The following ASCC3 variants were observed in gnomAD, a reference collection of about 807,000 sequenced individuals.
ASCC3 encodes activating signal cointegrator 1 complex subunit 3.
A neutral mutation model predicts 256.3 loss-of-function variants in ASCC3; 158 were observed. The ratio of observed to expected loss-of-function variants is 0.62; its 90% confidence interval spans 0.54 to 0.70. The LOEUF (loss-of-function observed/expected upper bound fraction) is 0.70, where lower values mean the gene tolerates loss of function less well. Among genes scored for constraint, ASCC3 ranks in the 30% least tolerant of loss-of-function variants. The probability of loss-of-function intolerance (pLI) is 0.00; values close to 1 mark genes in which losing one functional copy is unlikely to be tolerated. For missense variants in ASCC3, 2,259 were observed against 2,626.0 expected (o/e 0.86, Z 3.05); for synonymous variants, 948 against 883.4 (o/e 1.07, Z -1.30).
chr6:100,856,333 TATG>T, intron 3 of ASCC3: 1 of 902,168 alleles, frequency 1.1e-6, no homozygotes, highest in Non-Finnish European at 1.3e-6. Flanking sequence ...TTATTATACT[TATG>T]ATACTGTTTA....
chr6:100,520,265 A>G (rs980896685), intron 37 of ASCC3, among the ~76,000 whole-genome samples: 21 of 152,110 alleles, frequency 1.4e-4, no homozygotes, highest in African/African-American at 5.1e-4. Flanking sequence ...GTAGGGGATA[A>G]AAAAACTGAT....
At chr6:100,743,337 C>T (rs1042078426) in intron 10 of ASCC3, among the ~76,000 whole-genome samples, 3 of 152,142 alleles carry the variant, frequency 2.0e-5, no homozygotes, top group East Asian at 3.9e-4. Flanking sequence ...CCTTTCATTC[C>T]GCTTCATGAT....
At chr6:100,879,696 G>A (rs557098232) in intron 1 of ASCC3, among the ~76,000 whole-genome samples, 2 of 152,164 alleles carry the variant, frequency 1.3e-5, no homozygotes, top group African/African-American at 4.8e-5. Context: ...TAGAAACTGA[G>A]GTAGAACTGT....
At chr6:100,538,775 T>C (rs1463336222) in intron 37 of ASCC3, among the ~76,000 whole-genome samples, 1 of 152,140 alleles carries the variant, frequency 6.6e-6, no homozygotes, top group African/African-American at 2.4e-5. Flanking sequence ...AATCATTTCA[T>C]AATGTATATT....
intron 41 of ASCC3, among the ~76,000 whole-genome samples, 167 bp downstream of exon 41, chr6:100,509,765 G>A (rs944148781): frequency 2.6e-5 from 4 of 151,894 alleles, no homozygotes; most frequent in African/African-American, 9.7e-5. Context: ...GCGGGCGCCT[G>A]TAGTCCCAGC....
intron 3 of ASCC3, among the ~76,000 whole-genome samples, chr6:100,860,261 G>A (rs917689010): frequency 6.6e-6 from 1 of 151,926 alleles, no homozygotes; most frequent in Non-Finnish European, 1.5e-5. Flanking sequence ...GAAGGAGACA[G>A]CTATGCCTAC....
At chr6:100,604,426 T>A (rs1224598762) in intron 33 of ASCC3, among the ~76,000 whole-genome samples, 1 of 151,966 alleles carries the variant, frequency 6.6e-6, no homozygotes, top group Admixed American at 6.6e-5. Context: ...ATTCTTGAGA[T>A]CAGTACTTAG....
intron 4 of ASCC3, among the ~76,000 whole-genome samples, chr6:100,821,785 C>A (rs542886124): frequency 6.6e-6 from 1 of 152,072 alleles, no homozygotes; most frequent in South Asian, 2.1e-4. Context: ...GATTGTGCCA[C>A]TGTACCCCAG....
At chr6:100,601,334 G>A (rs1228189945) in intron 34 of ASCC3, among the ~76,000 whole-genome samples, 2 of 152,098 alleles carry the variant, frequency 1.3e-5, no homozygotes, top group Admixed American at 1.3e-4. Context: ...CTGAAAAACA[G>A]TAAGTGCTGA....
Position 100,597,809 on chromosome 6 carries a change from GA to G in ASCC3, c.5303+4000del, listed in dbSNP as rs369974362. On this transcript the variant is annotated intron_variant, in intron 34 of 41. Coordinates refer to ENST00000369162, the MANE Select transcript of ASCC3 (RefSeq NM_006828.4). The stretch of plus-strand genomic sequence containing the variant: ...TACACAGTGAAACCCCGTCTCTACT[GA>G]AAAAAAAAAAAAAATTAGCCGAGCA... Among the ~76,000 whole-genome samples, 821 of 88,534 alleles carry G rather than the reference GA, an allele frequency of 9.3e-3. 50 individuals carry two copies. Among genetic ancestry groups the G allele is most frequent in the African/African-American group, 0.031 (663 of 21,660 alleles). 58.1% of individuals were successfully genotyped at this position (88,534 alleles called of 152,430 possible).
rs6908889 is a variant in ASCC3 at position 100,540,113 on chromosome 6, C to A, written c.5775+50G>T. On this transcript the variant is annotated intron_variant, in intron 37 of 41. Transcript: ENST00000369162. ...TATCCTAAAACTAGAAAAAAGAGGG[C>A]AGGAATGATGGGAGAAAACACACAT... 2.6e-3 allele frequency: 3,905 copies of A among 1,505,214 alleles called. 88 individuals are homozygous for A. The African/African-American group carries it at 0.048, about 19-fold the overall frequency. 93.2% of individuals were successfully genotyped at this position (1,505,214 alleles called of 1,614,324 possible). A position where few individuals can be genotyped will look rare whatever the true frequency, so the allele number is the denominator to read the frequency against.
chr6:100,601,773 G>A (rs912808951), intron 34 of ASCC3, 37 bp downstream of exon 34: 1 of 1,606,354 alleles, frequency 6.2e-7, no homozygotes, highest in Admixed American at 1.7e-5. Context: ...TTATTTCGGG[G>A]CAAAACAGAA....
At chr6:100,872,829 G>A (rs1220767989) in intron 1 of ASCC3, among the ~76,000 whole-genome samples, 2 of 152,126 alleles carry the variant, frequency 1.3e-5, no homozygotes, top group African/African-American at 4.8e-5. Context: ...CATATCCCTA[G>A]GAAAAGGGGG....
intron 13 of ASCC3, among the ~76,000 whole-genome samples, chr6:100,711,572 CA>C (rs549282827): frequency 2.0e-5 from 3 of 151,354 alleles, no homozygotes; most frequent in African/African-American, 7.3e-5. Context: ...ACTAAAAATA[CA>C]AAAAAAATTA....
At chr6:100,816,091 G>C (rs1410169067) in intron 4 of ASCC3, among the ~76,000 whole-genome samples, 3 of 151,960 alleles carry the variant, frequency 2.0e-5, no homozygotes, top group Non-Finnish European at 4.4e-5. Context: ...ATTAGGAAGT[G>C]GGCAAAGGAC....
intron 1 of ASCC3, among the ~76,000 whole-genome samples, chr6:100,870,891 T>A (rs1175858253): frequency 6.6e-6 from 1 of 152,182 alleles, no homozygotes; most frequent in Non-Finnish European, 1.5e-5. Flanking sequence ...CTTTATTATA[T>A]ATTGAAACTA....
intron 13 of ASCC3, among the ~76,000 whole-genome samples, chr6:100,688,387 T>C (rs984436552): frequency 2.0e-5 from 3 of 152,172 alleles, no homozygotes; most frequent in Admixed American, 6.5e-5. Context: ...ATAGATCTTA[T>C]GAAAAAATCT....
At chr6:100,730,141 GAA>G (rs1169213190) in intron 10 of ASCC3, among the ~76,000 whole-genome samples, 4 of 144,042 alleles carry the variant, frequency 2.8e-5, no homozygotes, top group African/African-American at 1.0e-4. Flanking sequence ...CTCGCCTCCA[GAA>G]AAAAAAAAAA....
chr6:100,716,184 G>A (rs1000876623), intron 12 of ASCC3, among the ~76,000 whole-genome samples: 2 of 151,796 alleles, frequency 1.3e-5, no homozygotes, highest in Non-Finnish European at 3.0e-5. Context: ...AGATTTGACC[G>A]AAGATTTTCA....
Sources: allele counts gnomAD v4.1 joint callset (sites outside exome capture counted in the v4.1 genomes callset), GRCh38; gene constraint gnomAD v4.1.1; transcripts MANE v1.5; gene names NCBI Gene and HGNC (gene_info 2026-07-23, HGNC 2026-07-21).